The following TNKS2 variants were observed in gnomAD, a reference collection of about 807,000 sequenced individuals.
The protein encoded by TNKS2 is poly [ADP-ribose] polymerase tankyrase-2.
A neutral mutation model predicts 137.6 loss-of-function variants in TNKS2; 72 were observed. The observed-to-expected ratio is 0.52, with a 90% confidence interval of 0.43 to 0.64. The LOEUF is 0.64. Among genes scored for constraint, TNKS2 ranks in the 30% least tolerant of loss-of-function variants. The pLI, the probability that TNKS2 is intolerant of heterozygous loss-of-function variation, is 0.00. For missense variants in TNKS2, 1,049 were observed against 1,410.2 expected (o/e 0.74, Z 4.10); for synonymous variants, 516 against 512.1 (o/e 1.01, Z -0.10).
chr10:91,828,170 TG>T, intron 8 of TNKS2, 114 bp from the exon 9 acceptor site: 2 of 1,139,934 alleles, frequency 1.8e-6, no homozygotes, highest in Non-Finnish European at 2.4e-6. Flanking sequence ...AGCCTCAATC[TG>T]GCTATTTTGG....
In TNKS2 at chr10:91,845,600, C is replaced by T. The variant is rs1564624543; in HGVS notation, c.2170-152C>T. On this transcript the variant is annotated intron_variant, in intron 17 of 26. Transcript: ENST00000371627. ...CCACTGTAATTTTTAATCAGCTACT[C>T]ATAAGTTGTGATGTTGGGGAGAAAG... 4 of 521,662 alleles carry T rather than the reference C, an allele frequency of 7.7e-6. No individual in the cohort carries two copies. In the South Asian group the frequency reaches 1.6e-4, roughly 20 times the overall value. 32.3% of individuals were successfully genotyped at this position (521,662 alleles called of 1,614,324 possible). A position where few individuals can be genotyped will look rare whatever the true frequency, so the allele number is the denominator to read the frequency against.
chr10:91,857,885 G>A (rs1362495930), intron 24 of TNKS2, among the ~76,000 whole-genome samples: 2 of 152,134 alleles, frequency 1.3e-5, no homozygotes, highest in East Asian at 1.9e-4. Flanking sequence ...CTCAGAAGAA[G>A]GTGTACATCC....
At chr10:91,838,152 T>C (rs138469169) in intron 13 of TNKS2, among the ~76,000 whole-genome samples, 2 of 148,370 alleles carry the variant, frequency 1.3e-5, no homozygotes, top group Non-Finnish European at 1.5e-5. Context: ...TTAGTAAACA[T>C]GTTAAAGACT....
Position 91,861,988 on chromosome 10 carries a change from T to A in TNKS2, c.3282-11T>A. The A allele has an allele frequency of 6.3e-7, 1 of 1,599,546 alleles. No homozygotes were observed. ...TGACTTCAGGGTGATCTTTTCCTTT[T>A]CGTTTTATAGGCAGCTGCTCTTTTG... is the stretch of plus-strand genomic sequence containing the variant. On this transcript the variant is annotated splice_polypyrimidine_tract_variant and intron_variant, in intron 25 of 26. Coordinates refer to ENST00000371627, the MANE Select transcript of TNKS2 (RefSeq NM_025235.4).
chr10:91,807,173 A>G (rs539924181), intron 1 of TNKS2: 182 of 1,602,176 alleles, frequency 1.1e-4, no homozygotes, highest in South Asian at 7.3e-4. Flanking sequence ...CTTCATTTCA[A>G]ACCATTCACT....
At chr10:91,802,543 A>G (rs1438059537) in intron 1 of TNKS2, among the ~76,000 whole-genome samples, 4 of 152,234 alleles carry the variant, frequency 2.6e-5, no homozygotes, top group Admixed American at 2.0e-4. Flanking sequence ...ATTTCAGCCT[A>G]GTTCGACCAA....
chr10:91,807,720 C>T (rs1431146588), intron 1 of TNKS2, among the ~76,000 whole-genome samples: 1 of 152,138 alleles, frequency 6.6e-6, no homozygotes, highest in Admixed American at 6.5e-5. Flanking sequence ...AAATGCCGGG[C>T]GCAGTGGCTC....
chr10:91,821,874 C>T (rs905032215), intron 6 of TNKS2, among the ~76,000 whole-genome samples: 4 of 152,166 alleles, frequency 2.6e-5, no homozygotes, highest in East Asian at 3.9e-4. Flanking sequence ...CAGATAATTG[C>T]GTGTGCCACG....
At chr10:91,829,565 T>A (rs1400768278) in intron 9 of TNKS2, among the ~76,000 whole-genome samples, 1 of 152,184 alleles carries the variant, frequency 6.6e-6, no homozygotes, top group Non-Finnish European at 1.5e-5. Context: ...TTGAGGTGGA[T>A]GTGATTTTTA....
intron 3 of TNKS2, among the ~76,000 whole-genome samples, chr10:91,818,326 AAG>A (rs1228410554): frequency 6.6e-6 from 1 of 152,186 alleles, no homozygotes; most frequent in Non-Finnish European, 1.5e-5. Flanking sequence ...AAAGAAATAA[AAG>A]AGTTCATAGT....
Position 91,856,100 on chromosome 10 carries a change from T to C in TNKS2, c.2988+412T>C, listed in dbSNP as rs539900293. ...ACAGGTTTCTGAAAGTCCCCAAATA[T>C]ATTATCTTTTTATAAACTTTAATAG... On this transcript the variant is annotated intron_variant, in intron 23 of 26. Coordinates refer to ENST00000371627, the MANE Select transcript of TNKS2 (RefSeq NM_025235.4). Among the ~76,000 whole-genome samples, 23 of 152,320 alleles carry C rather than the reference T, an allele frequency of 1.5e-4. No individual in the cohort carries two copies. The South Asian group carries it at 4.8e-3, about 32-fold the overall frequency.
In TNKS2 at chr10:91,841,340, T is replaced by C; in HGVS notation, c.1731T>C (p.Leu577=). The C allele has an allele frequency of 1.2e-6, 2 of 1,605,520 alleles. No homozygotes were observed. The highest frequency in any genetic ancestry group is 1.7e-6 in the Non-Finnish European group (2 of 1,175,952). Reference sequence around the variant, plus strand: ...ATGGACATTATGAAGTTGCAGAACTTCTTGTTAAACATGGAGCAGTAGTTA... The same window carrying C: ...ATGGACATTATGAAGTTGCAGAACTCCTTGTTAAACATGGAGCAGTAGTTA... ...CSYGHYEVAE[L]LVKHGAVVNV... The change falls in exon 15 of 27, where the codon CTT becomes CTC. Residue 577 remains leucine, a synonymous_variant. Coordinates refer to ENST00000371627, the MANE Select transcript of TNKS2 (RefSeq NM_025235.4).
rs761479667 is a variant in TNKS2 at position 91,848,563 on chromosome 10, A to G, written c.2539A>G (p.Ser847Gly). 2.5e-6 allele frequency: 4 copies of G among 1,614,134 alleles called. No homozygotes were observed. The highest frequency in any genetic ancestry group is 3.4e-6 in the Non-Finnish European group (4 of 1,180,038). Residue 847 changes from serine (S) to glycine (G), a missense_variant, in exon 19 of 27, where the codon AGT (serine) becomes GGT (glycine). Physicochemically the swap from Ser to Gly is moderately conservative, Grantham distance 56 (BLOSUM62 0). Coordinates refer to ENST00000371627, the MANE Select transcript of TNKS2 (RefSeq NM_025235.4). ...CAGCAGTCTTGACAACTTATCTGGG[A>G]GTTTTTCAGAACTGTCTTCAGTAGT... Reference protein sequence around the residue: ...AASSLDNLSGSFSELSSVVSS... With the variant: ...AASSLDNLSGGFSELSSVVSS...
chr10:91,842,769 A>C (rs1261526240), intron 16 of TNKS2, among the ~76,000 whole-genome samples: 1 of 132,556 alleles, frequency 7.5e-6, no homozygotes, highest in African/African-American at 2.6e-5. Context: ...TGTCTCAAAA[A>C]ATAAAAAAAA....
At chr10:91,855,483 G>A in intron 22 of TNKS2, 131 bp from the exon 23 acceptor site, 1 of 798,344 alleles carries the variant, frequency 1.3e-6, no homozygotes. Context: ...CATATTCTTT[G>A]AATAACAAAA....
chr10:91,839,137 A>T (rs906114000), intron 13 of TNKS2, among the ~76,000 whole-genome samples: 2 of 151,986 alleles, frequency 1.3e-5, no homozygotes, highest in African/African-American at 4.8e-5. Context: ...ACGTGCTGGG[A>T]TTACAGGCGT....
chr10:91,798,632 G>A lies in TNKS2; in HGVS notation c.-59G>A. On this transcript the variant is annotated 5_prime_UTR_variant, in exon 1 of 27. Coordinates refer to ENST00000371627, the MANE Select transcript of TNKS2 (RefSeq NM_025235.4). ...GGGGGCCTCGCCCTCCTGCTCGCGG[G>A]GCCGGGGCTCCTGCTCCGGTTGCTG... The A allele has an allele frequency of 2.5e-6, 3 of 1,210,926 alleles. No individual in the cohort carries two copies. Among genetic ancestry groups the A allele is most frequent in the Non-Finnish European group, 1.0e-6 (1 of 974,446 alleles). The allele number at this position is 1,210,926 out of a possible 1,614,324, so 75.0% of individuals were successfully genotyped here. A position where few individuals can be genotyped will look rare whatever the true frequency, so the allele number is the denominator to read the frequency against.
intron 12 of TNKS2, 23 bp from the exon 13 acceptor site, chr10:91,836,896 T>TTC (rs528388829): frequency 6.0e-4 from 946 of 1,582,288 alleles, no homozygotes; most frequent in Non-Finnish European, 5.2e-4. Context: ...TTAGTCACTC[T>TTC]TCTCTCTCTC....
intron 4 of TNKS2, 24 bp downstream of exon 4, chr10:91,819,330 G>C: frequency 7.0e-7 from 1 of 1,426,690 alleles, no homozygotes; most frequent in Non-Finnish European, 9.3e-7. Context: ...TTATAAATAT[G>C]TGACAGGAAT....
Sources: gnomAD v4.1 joint callset for allele counts (sites outside exome capture counted in the v4.1 genomes callset) on GRCh38, gnomAD v4.1.1 for gene constraint, MANE v1.5 for transcripts, NCBI Gene and HGNC (gene_info 2026-07-23, HGNC 2026-07-21) for gene names.